The following GPC5 variants were observed in gnomAD, a reference collection of about 807,000 sequenced individuals.
GPC5 encodes the protein glypican 5.
In GPC5, 47 loss-of-function variants were observed where a neutral mutation model predicts 53.9. That is an observed-to-expected ratio of 0.87 (90% CI 0.69 to 1.11). The LOEUF (loss-of-function observed/expected upper bound fraction) is 1.11. Ranked by LOEUF, GPC5 falls within the 50% of genes most tolerant of loss-of-function variation. The probability of loss-of-function intolerance (pLI) is 0.00; values close to 1 mark genes in which losing one functional copy is unlikely to be tolerated. For missense variants in GPC5, 748 were observed against 713.1 expected (o/e 1.05, Z -0.56); for synonymous variants, 286 against 263.3 (o/e 1.09, Z -0.84).
At chr13:92,601,689 TATA>T (rs1378809882) in intron 7 of GPC5, among the ~76,000 whole-genome samples, 1 of 151,478 alleles carries the variant, frequency 6.6e-6, no homozygotes, top group Non-Finnish European at 1.5e-5. Flanking sequence ...AAAAAGAAAA[TATA>T]ATAAAATGCT....
intron 7 of GPC5, among the ~76,000 whole-genome samples, chr13:92,256,131 A>G (rs1594041376): frequency 1.3e-5 from 2 of 151,762 alleles, no homozygotes; most frequent in South Asian, 4.1e-4. Context: ...AAACTTGTCA[A>G]TTTTTAATAT....
intron 6 of GPC5, among the ~76,000 whole-genome samples, chr13:92,121,038 G>A (rs2041644803): frequency 1.3e-5 from 2 of 152,172 alleles, no homozygotes; most frequent in South Asian, 4.1e-4. Flanking sequence ...TATTCAACAG[G>A]AGGATAGAGA....
At chr13:91,485,533 T>C (rs1349611411) in intron 2 of GPC5, among the ~76,000 whole-genome samples, 2 of 152,186 alleles carry the variant, frequency 1.3e-5, no homozygotes, top group Admixed American at 1.3e-4. Flanking sequence ...TTCTTTTTTT[T>C]ATATATTCTT....
rs188250743 is a variant in GPC5 at position 91,625,341 on chromosome 13, C to T, written c.326-67846C>T. ...TGGAAGATGTTAAAGAAAAGCTAGA[C>T]ATATTTTAATGTAAAATAATTAACA... is the stretch of plus-strand genomic sequence containing the variant. On this transcript the variant is annotated intron_variant, in intron 2 of 7. Transcript: ENST00000377067. Among the ~76,000 whole-genome samples the T allele has an allele frequency of 3.9e-5, 6 of 152,074 alleles. No individual in the cohort carries two copies. The East Asian group carries it at 1.2e-3, about 29-fold the overall frequency.
intron 6 of GPC5, among the ~76,000 whole-genome samples, chr13:92,139,154 T>C (rs1369704827): frequency 6.6e-6 from 1 of 152,208 alleles, no homozygotes; most frequent in African/African-American, 2.4e-5. Context: ...AATAAGGTCA[T>C]TTTAAATTAT....
intron 2 of GPC5, among the ~76,000 whole-genome samples, chr13:91,563,887 G>A (rs538106907): frequency 4.6e-5 from 7 of 151,968 alleles, no homozygotes; most frequent in Non-Finnish European, 7.4e-5. Context: ...CCGGAGGACC[G>A]GGGAGGAGGG....
chr13:91,630,459 G>A (rs1388234964), intron 2 of GPC5, among the ~76,000 whole-genome samples: 2 of 152,074 alleles, frequency 1.3e-5, no homozygotes, highest in South Asian at 2.1e-4. Flanking sequence ...ACATAAATCA[G>A]GACAGATATA....
chr13:92,252,233 T>C (rs1266863963), intron 7 of GPC5, among the ~76,000 whole-genome samples: 1 of 152,094 alleles, frequency 6.6e-6, no homozygotes, highest in Non-Finnish European at 1.5e-5. Flanking sequence ...CTTTTGAAGA[T>C]TATGTTAGTT....
rs1566565326 is a variant in GPC5 at position 92,381,900 on chromosome 13, CATATATATG to C, written c.1561+236920_1561+236928del. 7.1e-3 allele frequency among the ~76,000 whole-genome samples: 792 copies of C among 111,572 alleles called. 35 individuals carry two copies. The highest frequency in any genetic ancestry group is 0.027 in the African/African-American group (740 of 26,944). The allele number at this position is 111,572 out of a possible 152,430, so 73.2% of individuals were successfully genotyped here. On this transcript the variant is annotated intron_variant, in intron 7 of 7. Coordinates refer to ENST00000377067, the MANE Select transcript of GPC5 (RefSeq NM_004466.6). Reference sequence around the variant, plus strand: ...TATGATTATATATATTATATATAATCATATATATGATATATATAATCATATATATGATTA... The same window carrying C: ...TATGATTATATATATTATATATAATCATATATATAATCATATATATGATTA...
intron 7 of GPC5, among the ~76,000 whole-genome samples, chr13:92,412,441 CTG>C (rs923418285): frequency 2.0e-5 from 3 of 152,166 alleles, no homozygotes; most frequent in African/African-American, 7.2e-5. Flanking sequence ...AAACTACTAT[CTG>C]TGTACCCAGT....
At chr13:91,620,130 C>A (rs1339809498) in intron 2 of GPC5, among the ~76,000 whole-genome samples, 1 of 152,102 alleles carries the variant, frequency 6.6e-6, no homozygotes, top group Non-Finnish European at 1.5e-5. Flanking sequence ...CTTTCCTATG[C>A]TTTTCCTTCT....
chr13:91,404,554 G>A (rs1877182090), intron 1 of GPC5, among the ~76,000 whole-genome samples: 1 of 152,170 alleles, frequency 6.6e-6, no homozygotes, highest in African/African-American at 2.4e-5. Flanking sequence ...GAACTTTTCA[G>A]TTTTAGTAAA....
At position 92,035,674 on chromosome 13, in the gene GPC5, G is replaced by A. The variant is rs2040886783; in HGVS notation, c.1402-109156G>A. 2.0e-5 allele frequency among the ~76,000 whole-genome samples: 3 copies of A among 147,018 alleles called. 1 individual carries two copies. In the South Asian group the frequency reaches 6.6e-4, roughly 32 times the overall value. Reference sequence around the variant, plus strand: ...TTTTCAATTGCTGTAGAAAATAAGAGTATTAAAAATTTAAGCCTTCTTCAA... The same window carrying A: ...TTTTCAATTGCTGTAGAAAATAAGAATATTAAAAATTTAAGCCTTCTTCAA... On this transcript the variant is annotated intron_variant, in intron 6 of 7. Coordinates refer to ENST00000377067, the MANE Select transcript of GPC5 (RefSeq NM_004466.6).
intron 5 of GPC5, among the ~76,000 whole-genome samples, chr13:91,903,296 C>A (rs1239201440): frequency 6.6e-6 from 1 of 151,978 alleles, no homozygotes; most frequent in Non-Finnish European, 1.5e-5. Flanking sequence ...TATACTATAT[C>A]ATTATACAAA....
rs188740582 is a variant in GPC5 at position 92,425,999 on chromosome 13, C to G, written c.1561+281010C>G. On this transcript the variant is annotated intron_variant, in intron 7 of 7. Coordinates refer to ENST00000377067, the MANE Select transcript of GPC5 (RefSeq NM_004466.6). ...TTAGATCAACATACATTTAATCATT[C>G]CCCTGTTGATAGGTATTTAGGCTTA... Among the ~76,000 whole-genome samples the G allele has an allele frequency of 3.0e-3, 457 of 152,070 alleles. 1 individual carries two copies. Among genetic ancestry groups the G allele is most frequent in the Middle Eastern group, 6.8e-3 (2 of 294 alleles).
intron 7 of GPC5, among the ~76,000 whole-genome samples, chr13:92,759,178 G>T (rs368601197): frequency 2.7e-5 from 4 of 150,400 alleles, no homozygotes; most frequent in Non-Finnish European, 5.9e-5. Flanking sequence ...TTTTAAATCA[G>T]TAAGGGTAAT....
At chr13:91,833,482 T>C (rs2095287265) in intron 5 of GPC5, among the ~76,000 whole-genome samples, 1 of 152,068 alleles carries the variant, frequency 6.6e-6, no homozygotes, top group Non-Finnish European at 1.5e-5. Flanking sequence ...CTGATGAACA[T>C]CAATGCAAAA....
At position 92,711,047 on chromosome 13, in the gene GPC5, A is replaced by G. The variant is rs141584060; in HGVS notation, c.1562-155235A>G. Among the ~76,000 whole-genome samples, 86 of 152,306 alleles carry G rather than the reference A, an allele frequency of 5.6e-4. 3 individuals are homozygous for G. The East Asian group carries it at 0.016, about 29-fold the overall frequency. On this transcript the variant is annotated intron_variant, in intron 7 of 7. Transcript: ENST00000377067. ...AAATATAAATGGAGTTTGGTGCACT[A>G]TTCGTACAGTCCCACTTCTTAACAG... is the stretch of plus-strand genomic sequence containing the variant.
At chr13:91,748,100 T>G (rs527725246) in intron 4 of GPC5, among the ~76,000 whole-genome samples, 1 of 152,220 alleles carries the variant, frequency 6.6e-6, no homozygotes. Flanking sequence ...TGACAATGTA[T>G]AGATAGGACA....
Sources: allele counts gnomAD v4.1 joint callset (sites outside exome capture counted in the v4.1 genomes callset), GRCh38; gene constraint gnomAD v4.1.1; transcripts MANE v1.5; gene names NCBI Gene and HGNC (gene_info 2026-07-23, HGNC 2026-07-21).